Variants in MTARC2 observed in about 807,000 individuals in gnomAD.
The protein encoded by MTARC2 is MOCO sulphurase C-terminal domain containing 2.
MTARC2 carries 27 observed loss-of-function variants against 35.6 expected under a neutral mutation model. That is an observed-to-expected ratio of 0.76 (90% confidence interval 0.56 to 1.04). The LOEUF (loss-of-function observed/expected upper bound fraction) is 1.04. Among genes scored for constraint, MTARC2 ranks in the 50% least tolerant of loss-of-function variants. The pLI is 0.00. For missense variants in MTARC2, 412 were observed against 432.5 expected, an observed-to-expected ratio of 0.95 and a Z score of 0.42; for synonymous variants, 158 against 167.1, an observed-to-expected ratio of 0.95 and a Z score of 0.42.
At position 220,761,794 on chromosome 1, in the gene MTARC2, C is replaced by T. The variant is rs377556510; in HGVS notation, c.583C>T (p.Leu195Phe). The T allele has an allele frequency of 1.0e-4, 168 of 1,611,876 alleles. No individual in the cohort carries two copies. The highest frequency in any genetic ancestry group is 1.2e-4 in the Non-Finnish European group (147 of 1,179,330). ...NMKGRTSRKLLPTLDQNFQVA... is the reference protein window; with the variant it reads ...NMKGRTSRKLFPTLDQNFQVA... Reference sequence around the variant, plus strand: ...GAAGGGAAGAACATCAAGAAAACTTCTCCCCACTCTTGATCAGAATTTCCA... The same window carrying T: ...GAAGGGAAGAACATCAAGAAAACTTTTCCCCACTCTTGATCAGAATTTCCA... The change falls in exon 3 of 8, where the codon CTC becomes TTC. Residue 195 changes from leucine to phenylalanine, a missense_variant. Leu to Phe is a conservative substitution (Grantham distance 22). Transcript: ENST00000366913.
At chr1:220,780,276 A>T in intron 6 of MTARC2, 37 bp downstream of exon 6, 1 of 1,571,462 alleles carries the variant, frequency 6.4e-7, no homozygotes, top group Non-Finnish European at 8.7e-7. Context: ...TTTAAATATT[A>T]TCTCCACCCC....
rs779026010 is a variant in MTARC2 at position 220,755,098 on chromosome 1, TCAAA to T, written c.430_433del (p.Lys144SerfsTer28). 11 of 1,608,850 alleles carry T rather than the reference TCAAA, an allele frequency of 6.8e-6. No homozygotes were observed. Among genetic ancestry groups the T allele is most frequent in the Non-Finnish European group, 8.5e-6 (10 of 1,177,818 alleles). On this transcript the variant is annotated frameshift_variant, in exon 2 of 8. Coordinates refer to ENST00000366913, the MANE Select transcript of MTARC2 (RefSeq NM_017898.5). LOFTEE classifies it high-confidence loss of function. Reference sequence around the variant, plus strand: ...GGTTTTGCCTAGCAAGCAGCCTTCCTCAAACAAACTCCACAACTGCAGGTGTTCC... The same window carrying T: ...GGTTTTGCCTAGCAAGCAGCCTTCCTCAAACTCCACAACTGCAGGTGTTCC...
chr1:220,750,514 T>G (rs1228270887), intron 1 of MTARC2, among the ~76,000 whole-genome samples: 1 of 152,254 alleles, frequency 6.6e-6, no homozygotes, highest in Non-Finnish European at 1.5e-5. Context: ...CTGTGCTTTT[T>G]GCTCCCACTG....
intron 4 of MTARC2, among the ~76,000 whole-genome samples, chr1:220,766,961 G>T (rs1478892123): frequency 6.9e-6 from 1 of 145,532 alleles, no homozygotes; most frequent in Non-Finnish European, 1.5e-5. Context: ...GGGCAACATG[G>T]TGAAACCCCA....
intron 4 of MTARC2, among the ~76,000 whole-genome samples, chr1:220,772,683 G>GGTGTATGTGTGTGTGTTT (rs774757503): frequency 2.4e-4 from 35 of 148,034 alleles, no homozygotes; most frequent in Middle Eastern, 6.9e-3. Context: ...CTCTGGGCAG[G>GGTGTATGTGTGTGTGTTT]GTGTGTGTGT....
At chr1:220,760,593 T>C (rs1329355790) in intron 2 of MTARC2, among the ~76,000 whole-genome samples, 1 of 152,212 alleles carries the variant, frequency 6.6e-6, no homozygotes, top group Non-Finnish European at 1.5e-5. Context: ...TGATTTCAAA[T>C]AAAATTTCAC....
intron 2 of MTARC2, among the ~76,000 whole-genome samples, chr1:220,759,211 TA>T (rs1404957717): frequency 9.8e-5 from 15 of 152,358 alleles, no homozygotes; most frequent in Middle Eastern, 6.8e-3. Flanking sequence ...ATTTTCTTTG[TA>T]AGAGTCTATT....
chr1:220,758,092 C>T (rs1671331934), intron 2 of MTARC2, among the ~76,000 whole-genome samples: 1 of 152,092 alleles, frequency 6.6e-6, no homozygotes, highest in African/African-American at 2.4e-5. Context: ...TCAAGTGATT[C>T]TCCTGCCTCA....
chr1:220,776,809 T>C (rs985420117), intron 4 of MTARC2, among the ~76,000 whole-genome samples: 2 of 152,190 alleles, frequency 1.3e-5, no homozygotes, highest in African/African-American at 4.8e-5. Context: ...ACACAAAAAA[T>C]TGAACGGAAG....
At chr1:220,778,018 G>A (rs1421557004) in intron 4 of MTARC2, among the ~76,000 whole-genome samples, 3 of 152,052 alleles carry the variant, frequency 2.0e-5, no homozygotes, top group East Asian at 1.9e-4. Flanking sequence ...TGAGTTGAGC[G>A]GATCACCTGA....
intron 1 of MTARC2, among the ~76,000 whole-genome samples, chr1:220,753,916 G>A (rs752828478): frequency 1.3e-5 from 2 of 152,044 alleles, no homozygotes; most frequent in Non-Finnish European, 2.9e-5. Context: ...TGGGCGTGGT[G>A]GTACACACCT....
intron 5 of MTARC2, 41 bp downstream of exon 5, chr1:220,780,120 A>G (rs368003059): frequency 1.1e-4 from 175 of 1,606,978 alleles, no homozygotes; most frequent in Non-Finnish European, 1.5e-4. Context: ...GGTGTGGCCC[A>G]TTCATTGGTT....
At chr1:220,779,972 G>A in intron 4 of MTARC2, 46 bp from the exon 5 acceptor site, 1 of 1,418,506 alleles carries the variant, frequency 7.0e-7, no homozygotes, top group Non-Finnish European at 9.5e-7. Context: ...AGACTCAAAG[G>A]CTAATGAAGC....
intron 4 of MTARC2, among the ~76,000 whole-genome samples, chr1:220,773,218 A>G (rs1172038953): frequency 6.6e-6 from 1 of 152,152 alleles, no homozygotes; most frequent in African/African-American, 2.4e-5. Context: ...ACCAATGGCC[A>G]ATGATTTTAT....
rs78814532 is a variant in MTARC2 at position 220,750,270 on chromosome 1, C to A, written c.272+1467C>A. Among the ~76,000 whole-genome samples the A allele has an allele frequency of 8.3e-3, 1,264 of 152,290 alleles. 27 individuals carry two copies. The highest frequency in any genetic ancestry group is 0.067 in the East Asian group (347 of 5,184). ...ACTTCAGGCTGTGTGGGACTGGACA[C>A]CTTCCAAAAAACTGGGAGAACCAAA... On this transcript the variant is annotated intron_variant, in intron 1 of 7. Transcript: ENST00000366913.
chr1:220,763,079 T>C lies in MTARC2; in HGVS notation c.750+29T>C, dbSNP rs779132115. 1.6e-5 allele frequency: 26 copies of C among 1,614,118 alleles called. 1 individual carries two copies. In the East Asian group the frequency reaches 2.5e-4, roughly 15 times the overall value. The stretch of plus-strand genomic sequence containing the variant: ...AGCGACCCACTGCTTTTGTGCATCA[T>C]GCTCAGATGTGCTGCTCGCGGTGCT... On this transcript the variant is annotated intron_variant, in intron 4 of 7. Coordinates refer to ENST00000366913, the MANE Select transcript of MTARC2 (RefSeq NM_017898.5).
chr1:220,779,730 C>T (rs562866286), intron 4 of MTARC2, among the ~76,000 whole-genome samples: 41 of 152,338 alleles, frequency 2.7e-4, no homozygotes, highest in African/African-American at 9.9e-4. Flanking sequence ...TATATCTACA[C>T]ATTGACTTTC....
chr1:220,780,380 G>A (rs72472398), intron 6 of MTARC2, 141 bp downstream of exon 6: 7,518 of 650,568 alleles, frequency 0.012, 136 homozygotes, highest in East Asian at 0.053. Context: ...TGACTGATTC[G>A]CGTCTATTGG....
At chr1:220,753,698 C>T (rs1338321867) in intron 1 of MTARC2, among the ~76,000 whole-genome samples, 1 of 152,168 alleles carries the variant, frequency 6.6e-6, no homozygotes, top group African/African-American at 2.4e-5. Flanking sequence ...ACAATTTTTA[C>T]TTATCAGTGC....
Sources: gnomAD v4.1 joint callset for allele counts (sites outside exome capture counted in the v4.1 genomes callset) on GRCh38, gnomAD v4.1.1 for gene constraint, MANE v1.5 for transcripts, NCBI Gene and HGNC (gene_info 2026-07-23, HGNC 2026-07-21) for gene names.